The following NUMB variants were observed in gnomAD, a reference collection of about 807,000 sequenced individuals.
The protein encoded by NUMB is NUMB endocytic adaptor protein.
In NUMB, 29 loss-of-function variants were observed where a neutral mutation model predicts 59.7. That is an observed-to-expected ratio of 0.49 (90% CI 0.36 to 0.66). NUMB has a LOEUF of 0.66. Among genes scored for constraint, NUMB ranks in the 30% least tolerant of loss-of-function variants. The pLI, the probability that NUMB is intolerant of heterozygous loss-of-function variation, is 0.00. For missense variants in NUMB, 723 were observed against 822.0 expected (o/e 0.88, Z 1.47); for synonymous variants, 288 against 288.2 (o/e 1.00, Z 0.01).
rs905528768 is a variant in NUMB at position 73,277,230 on chromosome 14, C to T, written c.1304G>A (p.Arg435His). Residue 435 changes from arginine (R) to histidine (H), a missense_variant, in exon 13 of 13, where the codon CGT becomes CAT. Arg to His is a conservative substitution (Grantham distance 29, BLOSUM62 0). Around this residue, in one of 2 missense-constraint regions of NUMB, gnomAD observed 406 missense variants for 385.4 expected, o/e 1.05. Transcript: ENST00000555238. The stretch of plus-strand genomic sequence containing the variant: ...CCATCGGTCGGCCTCAGAGGGAGTA[C>T]GTCTATGACCGGCCTGGAAGAGACC... ...SPGLFQAGHRRTPSEADRWLE... is the reference protein window; with the variant it reads ...SPGLFQAGHRHTPSEADRWLE... 5.6e-6 allele frequency: 9 copies of T among 1,613,348 alleles called. No homozygotes were observed. Among genetic ancestry groups the T allele is most frequent in the South Asian group, 2.2e-5 (2 of 91,058 alleles).
intron 1 of NUMB, among the ~76,000 whole-genome samples, chr14:73,435,271 CTTTTTT>C (rs11295491): frequency 8.9e-6 from 1 of 112,834 alleles, no homozygotes; most frequent in African/African-American, 3.8e-5. Context: ...TTGGCAATTA[CTTTTTT>C]TTTTTTTTTT....
At chr14:73,305,059 G>A (rs951869712) in intron 6 of NUMB, among the ~76,000 whole-genome samples, 2 of 152,182 alleles carry the variant, frequency 1.3e-5, no homozygotes, top group Admixed American at 6.5e-5. Context: ...GAGCTACCGC[G>A]CCTGGCCGAA....
chr14:73,303,955 A>T (rs1890286091), intron 6 of NUMB, among the ~76,000 whole-genome samples: 1 of 152,236 alleles, frequency 6.6e-6, no homozygotes, highest in South Asian at 2.1e-4. Context: ...TAGTATTTTA[A>T]AATTATTATC....
At chr14:73,414,518 GA>G (rs1332810947) in intron 1 of NUMB, among the ~76,000 whole-genome samples, 1 of 151,924 alleles carries the variant, frequency 6.6e-6, no homozygotes, top group Non-Finnish European at 1.5e-5. Flanking sequence ...TCGGCCACCT[GA>G]GTAGCTGGGA....
chr14:73,433,250 C>T (rs1056050617), intron 1 of NUMB, among the ~76,000 whole-genome samples: 2 of 151,810 alleles, frequency 1.3e-5, no homozygotes, highest in Non-Finnish European at 2.9e-5. Flanking sequence ...GGCAAAACCC[C>T]GTCTCTACTG....
intron 1 of NUMB, among the ~76,000 whole-genome samples, chr14:73,452,329 C>T (rs960062282): frequency 1.6e-4 from 24 of 152,088 alleles, no homozygotes; most frequent in African/African-American, 5.6e-4. Context: ...CATTGTACTC[C>T]AGCCTGGGCA....
chr14:73,276,870 C>T lies in NUMB; in HGVS notation c.1664G>A (p.Ser555Asn). The change falls in exon 13 of 13, where the codon AGC (serine) becomes AAC (asparagine). Residue 555 changes from serine to asparagine, a missense_variant. Physicochemically the swap from Ser to Asn is conservative, Grantham distance 46. Coordinates refer to ENST00000555238, the MANE Select transcript of NUMB (RefSeq NM_001005743.2). ...PQAAHPHQSP[S>N]LVRQQTFPHY... is the part of the protein sequence containing the mutation. ...AGGGAATGTCTGCTGCCTGACCAGG[C>T]TGGGTGACTGATGGGGATGGGCAGC... The T allele has an allele frequency of 6.2e-7, 1 of 1,614,068 alleles. No homozygotes were observed. The highest frequency in any genetic ancestry group is 8.5e-7 in the Non-Finnish European group (1 of 1,179,956).
In NUMB at chr14:73,355,654, C is replaced by G; in HGVS notation, c.98G>C (p.Arg33Pro). Residue 33 changes from arginine (R) to proline (P), a missense_variant, in exon 4 of 13, where the codon CGC (arginine) becomes CCC (proline). Transcript: ENST00000555238. ...HQWQTDEEGV[R>P]TGKCSFPVKY... The stretch of plus-strand genomic sequence containing the variant: ...AACCGGGAAGCTACATTTTCCGGTG[C>G]GAACGCCTTCTTCATCTGTCTGCCA... 6.2e-7 allele frequency: 1 copy of G among 1,613,518 alleles called. No individual in the cohort carries two copies. Among genetic ancestry groups the G allele is most frequent in the East Asian group, 2.2e-5 (1 of 44,834 alleles).
At chr14:73,329,463 CCTCTT>C (rs1385375754) in intron 4 of NUMB, among the ~76,000 whole-genome samples, 4 of 152,186 alleles carry the variant, frequency 2.6e-5, no homozygotes, top group East Asian at 1.9e-4. Context: ...CCTTCTCAGT[CCTCTT>C]CTCTCTCTCT....
chr14:73,441,519 G>C (rs892249333), intron 1 of NUMB, among the ~76,000 whole-genome samples: 7 of 151,872 alleles, frequency 4.6e-5, no homozygotes, highest in Non-Finnish European at 5.9e-5. Flanking sequence ...CTGGGCAACA[G>C]AGCAAGACTC....
At chr14:73,397,579 TAAGGCAAA>T (rs1012252560) in intron 2 of NUMB, among the ~76,000 whole-genome samples, 9 of 152,188 alleles carry the variant, frequency 5.9e-5, no homozygotes, top group African/African-American at 2.2e-4. Flanking sequence ...TAACAAGATA[TAAGGCAAA>T]ATGGTAATTA....
At chr14:73,347,906 T>A (rs1417972237) in intron 4 of NUMB, among the ~76,000 whole-genome samples, 1 of 152,242 alleles carries the variant, frequency 6.6e-6, no homozygotes, top group Non-Finnish European at 1.5e-5. Flanking sequence ...ATTTGGCATC[T>A]GTAAATTTAC....
At chr14:73,295,810 AG>A (rs1889737524) in intron 7 of NUMB, among the ~76,000 whole-genome samples, 1 of 152,050 alleles carries the variant, frequency 6.6e-6, no homozygotes, top group South Asian at 2.1e-4. Flanking sequence ...TATGCTTTCT[AG>A]GGGTAGAGCT....
At chr14:73,284,646 A>T (rs944793332) in intron 9 of NUMB, 3 of 284,362 alleles carry the variant, frequency 1.1e-5, no homozygotes, top group African/African-American at 2.2e-5. Flanking sequence ...TGTGAAAAAG[A>T]TCTTAAAAAC....
intron 1 of NUMB, among the ~76,000 whole-genome samples, chr14:73,411,672 A>G (rs1896899825): frequency 1.3e-5 from 2 of 152,216 alleles, no homozygotes; most frequent in Non-Finnish European, 2.9e-5. Flanking sequence ...AGGTATCAAT[A>G]AAGTTTATTA....
chr14:73,362,328 T>TC (rs1894136264), intron 3 of NUMB, among the ~76,000 whole-genome samples: 1 of 151,902 alleles, frequency 6.6e-6, no homozygotes, highest in Non-Finnish European at 1.5e-5. Context: ...GTAAGATGTA[T>TC]CCCAATGGGA....
intron 4 of NUMB, among the ~76,000 whole-genome samples, chr14:73,353,550 T>G (rs1893584078): frequency 2.5e-5 from 1 of 39,930 alleles, no homozygotes; most frequent in Non-Finnish European, 4.3e-5. Flanking sequence ...AAAGTGCATT[T>G]AAAATCTTAA....
intron 6 of NUMB, among the ~76,000 whole-genome samples, chr14:73,313,671 A>G (rs1177511740): frequency 2.3e-5 from 2 of 86,120 alleles, no homozygotes; most frequent in Non-Finnish European, 5.3e-5. Flanking sequence ...AAAATCTGAA[A>G]AAAAAAAAAA....
At chr14:73,429,691 C>G (rs1166545365) in intron 1 of NUMB, among the ~76,000 whole-genome samples, 1 of 151,988 alleles carries the variant, frequency 6.6e-6, no homozygotes, top group African/African-American at 2.4e-5. Context: ...ACCTGTAATC[C>G]CAGCACTTTG....
Sources: allele counts gnomAD v4.1 joint callset (sites outside exome capture counted in the v4.1 genomes callset), GRCh38; gene constraint gnomAD v4.1.1; regional missense constraint gnomAD v4.1.1; transcripts MANE v1.5; gene names NCBI Gene and HGNC (gene_info 2026-07-23, HGNC 2026-07-21).